The following COX7B2 variants were observed in gnomAD, a reference collection of about 807,000 sequenced individuals.
The protein encoded by COX7B2 is cytochrome c oxidase subunit 7B2.
For missense variants in COX7B2, 109 were observed against 95.9 expected (o/e 1.14, Z -0.57); for synonymous variants, 37 against 32.1 (o/e 1.15, Z -0.51).
chr4:46,792,655 C>T (rs968212872), intron 2 of COX7B2, among the ~76,000 whole-genome samples: 1 of 152,128 alleles, frequency 6.6e-6, no homozygotes, highest in Non-Finnish European at 1.5e-5. Flanking sequence ...CTTCTCAGAG[C>T]AGACTGTGGG....
At chr4:46,871,206 G>A (rs1717968841) in intron 1 of COX7B2, among the ~76,000 whole-genome samples, 1 of 152,098 alleles carries the variant, frequency 6.6e-6, no homozygotes, top group Non-Finnish European at 1.5e-5. Flanking sequence ...ATAACCATAT[G>A]ATCTTTGACA....
rs562138342 is a variant in COX7B2, at chr4:46,789,107, C to T, written c.-49-53866G>A. Among the ~76,000 whole-genome samples, 190 of 152,226 alleles carry T rather than the reference C, an allele frequency of 1.2e-3. 1 individual carries two copies. Among genetic ancestry groups the T allele is most frequent in the African/African-American group, 4.3e-3 (178 of 41,536 alleles). On this transcript the variant is annotated intron_variant, in intron 2 of 2. Coordinates refer to ENST00000355591, the MANE Select transcript of COX7B2 (RefSeq NM_130902.3). ...GCAAAATTAAGTTGAGGTTTAGTTA[C>T]GAAAACTTTACAGAACTCCATTTCA...
At chr4:46,858,214 C>T (rs1717117979) in intron 1 of COX7B2, among the ~76,000 whole-genome samples, 1 of 152,048 alleles carries the variant, frequency 6.6e-6, no homozygotes, top group South Asian at 2.1e-4. Flanking sequence ...CCACCTCAGC[C>T]TCCTGAGTAG....
chr4:46,756,722 T>C (rs1201512162), intron 2 of COX7B2, among the ~76,000 whole-genome samples: 6 of 151,896 alleles, frequency 4.0e-5, no homozygotes, highest in Non-Finnish European at 8.8e-5. Flanking sequence ...ATCAGAGAAA[T>C]GCAAAGAAAA....
At chr4:46,791,874 TG>T (rs141549181) in intron 2 of COX7B2, among the ~76,000 whole-genome samples, 1,959 of 152,318 alleles carry the variant, frequency 0.013, 38 homozygotes, top group African/African-American at 0.045. Flanking sequence ...TGCTTACTGG[TG>T]TTCACCCAAG....
chr4:46,879,431 G>A (rs1051555369), intron 1 of COX7B2, among the ~76,000 whole-genome samples: 2 of 151,348 alleles, frequency 1.3e-5, no homozygotes, highest in African/African-American at 4.9e-5. Flanking sequence ...TCATAGGGAT[G>A]GGGTCTCACC....
chr4:46,741,814 C>T (rs1201114952), intron 2 of COX7B2, among the ~76,000 whole-genome samples: 2 of 152,060 alleles, frequency 1.3e-5, no homozygotes, highest in Non-Finnish European at 2.9e-5. Context: ...TTCCTGGGCT[C>T]AATTTCAAAT....
chr4:46,767,552 T>G (rs1716617328), intron 2 of COX7B2, among the ~76,000 whole-genome samples: 1 of 152,172 alleles, frequency 6.6e-6, no homozygotes, highest in African/African-American at 2.4e-5. Flanking sequence ...AGAATATACA[T>G]TCTTTCCAAA....
chr4:46,884,114 C>T (rs373784179), intron 1 of COX7B2, among the ~76,000 whole-genome samples: 4 of 149,614 alleles, frequency 2.7e-5, no homozygotes, highest in Non-Finnish European at 5.9e-5. Context: ...CCTCCAAGAA[C>T]TTCAATAACT....
At chr4:46,905,135 A>G (rs1402372129) in intron 1 of COX7B2, among the ~76,000 whole-genome samples, 2 of 151,200 alleles carry the variant, frequency 1.3e-5, no homozygotes, top group Non-Finnish European at 3.0e-5. Flanking sequence ...GTATTTGGAC[A>G]CTTAAGTATT....
At chr4:46,768,301 C>T (rs2109505037) in intron 2 of COX7B2, among the ~76,000 whole-genome samples, 1 of 152,240 alleles carries the variant, frequency 6.6e-6, no homozygotes, top group South Asian at 2.1e-4. Context: ...GCAGTCTTCC[C>T]CTGGAGTTCA....
At chr4:46,908,091 TCCTCCCGC>T (rs1471409706) in intron 1 of COX7B2, among the ~76,000 whole-genome samples, 1 of 151,838 alleles carries the variant, frequency 6.6e-6, no homozygotes, top group Non-Finnish European at 1.5e-5. Context: ...GATCTCGTGA[TCCTCCCGC>T]CTCGGCCTCC....
intron 1 of COX7B2, among the ~76,000 whole-genome samples, chr4:46,858,431 T>C (rs753790418): frequency 6.6e-6 from 1 of 152,130 alleles, no homozygotes; most frequent in Non-Finnish European, 1.5e-5. Context: ...GGTACACTAA[T>C]GCAAGTAGCA....
At chr4:46,762,645 C>T (rs576003396) in intron 2 of COX7B2, among the ~76,000 whole-genome samples, 11 of 149,236 alleles carry the variant, frequency 7.4e-5, no homozygotes, top group African/African-American at 2.2e-4. Flanking sequence ...GATATTTGAG[C>T]GTATTGTCCA....
intron 2 of COX7B2, among the ~76,000 whole-genome samples, chr4:46,801,743 G>T (rs1193425296): frequency 6.6e-6 from 1 of 152,130 alleles, no homozygotes; most frequent in African/African-American, 2.4e-5. Context: ...GGAAATAAAT[G>T]AAGACAGAAA....
intron 2 of COX7B2, among the ~76,000 whole-genome samples, chr4:46,768,970 T>A (rs1470291133): frequency 6.6e-6 from 1 of 150,998 alleles, no homozygotes; most frequent in Non-Finnish European, 1.5e-5. Context: ...ATGAAAAAAA[T>A]TCCTAGAAAT....
chr4:46,792,964 A>T (rs1718128130), intron 2 of COX7B2, among the ~76,000 whole-genome samples: 1 of 152,222 alleles, frequency 6.6e-6, no homozygotes, highest in Admixed American at 6.5e-5. Context: ...ATCAACCACA[A>T]ATCAACCAAC....
At chr4:46,877,478 C>T (rs1007744313) in intron 1 of COX7B2, among the ~76,000 whole-genome samples, 1 of 152,110 alleles carries the variant, frequency 6.6e-6, no homozygotes, top group African/African-American at 2.4e-5. Flanking sequence ...TGTCTTTACA[C>T]AGATATAGAT....
chr4:46,780,239 G>A (rs758688117), intron 2 of COX7B2, among the ~76,000 whole-genome samples: 7 of 152,228 alleles, frequency 4.6e-5, no homozygotes, highest in Middle Eastern at 3.4e-3. Flanking sequence ...CCTGCTGGCC[G>A]GGCACGGTGG....
Sources: allele counts gnomAD v4.1 joint callset (sites outside exome capture counted in the v4.1 genomes callset), GRCh38; gene constraint gnomAD v4.1.1; transcripts MANE v1.5; gene names NCBI Gene and HGNC (gene_info 2026-07-23, HGNC 2026-07-21).